Variants in RNF180 observed in about 807,000 individuals in gnomAD.
RNF180 encodes ring finger protein 180.
In RNF180, 38 loss-of-function variants were observed where a neutral mutation model predicts 59.2. The ratio of observed to expected loss-of-function variants is 0.64; its 90% CI spans 0.50 to 0.84. The LOEUF is 0.84. Ranked by LOEUF, RNF180 falls within the 40% of genes least tolerant of loss-of-function variation. RNF180 has a pLI of 0.00. For synonymous variants in RNF180, 262 were observed against 240.3 expected (o/e 1.09, Z -0.84); for missense variants, 705 against 700.9 (o/e 1.01, Z -0.07).
chr5:64,334,842 A>G (rs1745054088), intron 7 of RNF180, among the ~76,000 whole-genome samples: 3 of 152,284 alleles, frequency 2.0e-5, no homozygotes, highest in African/African-American at 7.2e-5. Context: ...TTTTTATTAT[A>G]AACAGTGTTT....
At chr5:64,354,540 CCTT>C (rs964046104) in intron 7 of RNF180, among the ~76,000 whole-genome samples, 1 of 151,758 alleles carries the variant, frequency 6.6e-6, no homozygotes, top group African/African-American at 2.4e-5. Flanking sequence ...CAACACCAAT[CCTT>C]CTCAAACTGT....
At chr5:64,224,106 C>T (rs1169675342) in intron 5 of RNF180, among the ~76,000 whole-genome samples, 85 of 119,990 alleles carry the variant, frequency 7.1e-4, no homozygotes, top group African/African-American at 2.4e-3. Flanking sequence ...TGTGTGTGTA[C>T]ATACATATTT....
chr5:64,300,339 C>T (rs1743095750), intron 5 of RNF180, among the ~76,000 whole-genome samples: 1 of 151,766 alleles, frequency 6.6e-6, no homozygotes. Context: ...ACAGACAGTT[C>T]CTGACTTAAC....
intron 1 of RNF180, among the ~76,000 whole-genome samples, chr5:64,169,277 TTTCACCTAA>T (rs1364378491): frequency 6.6e-6 from 1 of 152,186 alleles, no homozygotes; most frequent in Non-Finnish European, 1.5e-5. Context: ...TTCAGTAAGC[TTTCACCTAA>T]GTGAGAGTGT....
At chr5:64,340,004 T>C (rs1026608251) in intron 7 of RNF180, among the ~76,000 whole-genome samples, 1 of 152,178 alleles carries the variant, frequency 6.6e-6, no homozygotes, top group Non-Finnish European at 1.5e-5. Flanking sequence ...ACTCTGTCAA[T>C]TGTAATTCCT....
chr5:64,256,506 G>C (rs900133992), intron 5 of RNF180, among the ~76,000 whole-genome samples: 1 of 152,132 alleles, frequency 6.6e-6, no homozygotes, highest in African/African-American at 2.4e-5. Context: ...AAGATCAGAT[G>C]GTTGTAGGTG....
At chr5:64,298,098 T>C (rs184507516) in intron 5 of RNF180, among the ~76,000 whole-genome samples, 1 of 152,170 alleles carries the variant, frequency 6.6e-6, no homozygotes, top group African/African-American at 2.4e-5. Context: ...CTCCCACTTA[T>C]AATTGAGAAC....
chr5:64,206,418 T>C (rs1301432380), intron 2 of RNF180, among the ~76,000 whole-genome samples: 3 of 152,208 alleles, frequency 2.0e-5, no homozygotes, highest in Middle Eastern at 3.2e-3. Flanking sequence ...GAATTGATTA[T>C]TAGAGTATAT....
rs141537553 is a variant in RNF180, at chr5:64,252,926, G to A, written c.1227+35530G>A. Among the ~76,000 whole-genome samples the A allele has an allele frequency of 1.3e-3, 199 of 151,566 alleles. 1 individual carries two copies. The highest frequency in any genetic ancestry group is 1.8e-3 in the Non-Finnish European group (123 of 67,868). ...ACCACCATCACCATCACCACCCCCC[G>A]CCCCAGCACACACACACCTCAAATG... is the stretch of plus-strand genomic sequence containing the variant. On this transcript the variant is annotated intron_variant, in intron 5 of 7. Coordinates refer to ENST00000389100, the MANE Select transcript of RNF180 (RefSeq NM_001113561.2).
At chr5:64,214,559 A>G (rs772705132) in intron 4 of RNF180, 42 bp downstream of exon 4, 8 of 1,550,184 alleles carry the variant, frequency 5.2e-6, no homozygotes, top group Non-Finnish European at 8.8e-7. Flanking sequence ...CTGTATTATA[A>G]ATACTGGAGT....
intron 5 of RNF180, among the ~76,000 whole-genome samples, chr5:64,268,322 A>C (rs1474582985): frequency 1.3e-5 from 2 of 152,148 alleles, no homozygotes; most frequent in African/African-American, 4.8e-5. Context: ...ATTCTCTTCC[A>C]GCCAGATTAT....
At position 64,214,176 on chromosome 5, in the gene RNF180, T is replaced by C. The variant is rs993105602; in HGVS notation, c.850T>C (p.Ser284Pro). 1.9e-6 allele frequency: 3 copies of C among 1,614,128 alleles called. No individual in the cohort carries two copies. Among genetic ancestry groups the C allele is most frequent in the Non-Finnish European group, 8.5e-7 (1 of 1,180,008 alleles). Reference sequence around the variant, plus strand: ...AAATAGCTATTCCTTTCAGAATCCATCCAGTTTTGATCCTAGTATGCTGCT... The same window carrying C: ...AAATAGCTATTCCTTTCAGAATCCACCCAGTTTTGATCCTAGTATGCTGCT... Reference protein sequence around the residue: ...SKNSYSFQNPSSFDPSMLLQR... With the variant: ...SKNSYSFQNPPSFDPSMLLQR... The change falls in exon 4 of 8, where the codon TCC becomes CCC. Residue 284 changes from serine to proline, a missense_variant. Coordinates refer to ENST00000389100, the MANE Select transcript of RNF180 (RefSeq NM_001113561.2).
At chr5:64,302,551 C>T (rs2112458126) in intron 5 of RNF180, among the ~76,000 whole-genome samples, 1 of 151,516 alleles carries the variant, frequency 6.6e-6, no homozygotes, top group East Asian at 1.9e-4. Flanking sequence ...CATTATAAAT[C>T]TCAAATAGTC....
intron 7 of RNF180, among the ~76,000 whole-genome samples, chr5:64,362,676 C>A (rs1296090765): frequency 1.3e-5 from 2 of 151,838 alleles, no homozygotes; most frequent in Admixed American, 1.3e-4. Context: ...CAGCTTTCCA[C>A]AATGGCTGAA....
chr5:64,207,365 G>A (rs1220449287), intron 2 of RNF180, among the ~76,000 whole-genome samples: 2 of 152,088 alleles, frequency 1.3e-5, no homozygotes, highest in Non-Finnish European at 2.9e-5. Context: ...GGACAGTACA[G>A]GTGGGAGAAC....
intron 5 of RNF180, among the ~76,000 whole-genome samples, chr5:64,321,584 C>G (rs1021652170): frequency 6.6e-6 from 1 of 152,102 alleles, no homozygotes; most frequent in Admixed American, 6.6e-5. Flanking sequence ...TGAAAATGGC[C>G]ATACTGCCCA....
At chr5:64,224,830 T>C (rs568780335) in intron 5 of RNF180, among the ~76,000 whole-genome samples, 8 of 152,348 alleles carry the variant, frequency 5.3e-5, no homozygotes, top group African/African-American at 1.4e-4. Flanking sequence ...GAGGACTCCT[T>C]CTTCATTAAT....
chr5:64,221,193 C>T (rs1293486453), intron 5 of RNF180, among the ~76,000 whole-genome samples: 1 of 151,846 alleles, frequency 6.6e-6, no homozygotes, highest in Non-Finnish European at 1.5e-5. Context: ...AATAGTGATC[C>T]AAATATTGGA....
chr5:64,187,149 G>T (rs1295968602), intron 1 of RNF180, among the ~76,000 whole-genome samples: 1 of 152,128 alleles, frequency 6.6e-6, no homozygotes, highest in Non-Finnish European at 1.5e-5. Context: ...AAGTGCCTGA[G>T]ATATATTTGT....
Sources: gnomAD v4.1 joint callset for allele counts (sites outside exome capture counted in the v4.1 genomes callset) on GRCh38, gnomAD v4.1.1 for gene constraint, MANE v1.5 for transcripts, NCBI Gene and HGNC (gene_info 2026-07-23, HGNC 2026-07-21) for gene names.